The following CIMAP2 variants were observed in gnomAD, a reference collection of about 807,000 sequenced individuals.
CIMAP2 encodes ciliary microtubule associated protein 2.
At chr1:54,811,773 G>GCTCCCCCCCCCCCCCCCC in the CIMAP2 span, 1 of 1,325,052 alleles carries the variant, frequency 7.5e-7, no homozygotes, top group Non-Finnish European at 1.0e-6. Context: ...CAGCCTCCAT[G>GCTCCCCCCCCCCCCCCCC]CCCCCACCCC....
the CIMAP2 span, chr1:54,808,089 T>C: frequency 2.1e-6 from 3 of 1,426,034 alleles, no homozygotes; most frequent in Non-Finnish European, 2.8e-6. Context: ...TTCACTTACA[T>C]ATCCATCCAG....
At chr1:54,811,767 C>CGGGGGGGGCGGG in the CIMAP2 span, 1 of 1,088,168 alleles carries the variant, frequency 9.2e-7, no homozygotes, top group Non-Finnish European at 1.4e-6. Context: ...TTCTGACAGC[C>CGGGGGGGGCGGG]TCCATGCCCC....
chr1:54,825,017 A>G, the CIMAP2 span, among the ~76,000 whole-genome samples: 2 of 77,126 alleles, frequency 2.6e-5, no homozygotes, highest in African/African-American at 5.5e-5. Flanking sequence ...TTCCAATTTT[A>G]TGATTGTCTT....
the CIMAP2 span, among the ~76,000 whole-genome samples, chr1:54,817,987 G>A: frequency 6.6e-6 from 1 of 152,162 alleles, no homozygotes; most frequent in Non-Finnish European, 1.5e-5. Context: ...CAATAGTTTG[G>A]TTGGAAATAA....
the CIMAP2 span, among the ~76,000 whole-genome samples, chr1:54,830,661 G>A: frequency 6.6e-6 from 1 of 152,180 alleles, no homozygotes; most frequent in Non-Finnish European, 1.5e-5. This position sits in a 1 kb window ranked among gnomAD's most constrained non-coding sequence, Gnocchi z 4.1. Flanking sequence ...GCAGACAGTG[G>A]GGGAGAGAAA....
chr1:54,821,050 T>A, the CIMAP2 span, among the ~76,000 whole-genome samples: 2 of 152,216 alleles, frequency 1.3e-5, no homozygotes, highest in African/African-American at 4.8e-5. Context: ...ATTATAGGCA[T>A]GAGCCACAGC....
the CIMAP2 span, chr1:54,812,096 A>G: frequency 1.9e-4 from 312 of 1,614,142 alleles, no homozygotes; most frequent in Non-Finnish European, 2.6e-4. Flanking sequence ...ACCTTGAGAC[A>G]TATGTGGCAC....
the CIMAP2 span, among the ~76,000 whole-genome samples, chr1:54,839,941 G>A: frequency 6.6e-6 from 1 of 151,994 alleles, no homozygotes; most frequent in South Asian, 2.1e-4. Flanking sequence ...GTAGAGACAT[G>A]CTTTTGCTAT....
At chr1:54,807,207 A>T in the CIMAP2 span, 1 of 1,095,632 alleles carries the variant, frequency 9.1e-7, no homozygotes, top group Non-Finnish European at 1.4e-6. Flanking sequence ...TCCAGCACAG[A>T]GCTGGACCCA....
chr1:54,820,800 G>T, the CIMAP2 span, among the ~76,000 whole-genome samples: 1 of 151,876 alleles, frequency 6.6e-6, no homozygotes, highest in Non-Finnish European at 1.5e-5. Flanking sequence ...ATGGAGTTTC[G>T]CTCTGTCACC....
the CIMAP2 span, among the ~76,000 whole-genome samples, chr1:54,811,148 C>A: frequency 6.6e-6 from 1 of 152,358 alleles, no homozygotes; most frequent in African/African-American, 2.4e-5. Context: ...ACACAGAAGG[C>A]CTGAGGTCAC....
chr1:54,840,722 C>T, the CIMAP2 span, among the ~76,000 whole-genome samples: 1 of 152,178 alleles, frequency 6.6e-6, no homozygotes, highest in Admixed American at 6.5e-5. Flanking sequence ...TTGCATTTCT[C>T]CAGTGACAAG....
the CIMAP2 span, among the ~76,000 whole-genome samples, chr1:54,835,348 C>T: frequency 2.0e-5 from 3 of 152,068 alleles, no homozygotes; most frequent in African/African-American, 2.4e-5. Flanking sequence ...TGTGCCACCA[C>T]GCCTAGCTAA....
chr1:54,826,224 C>T, the CIMAP2 span, among the ~76,000 whole-genome samples: 1 of 152,142 alleles, frequency 6.6e-6, no homozygotes, highest in South Asian at 2.1e-4. Flanking sequence ...GGTAGTGTTG[C>T]TGTTAGTGGC....
chr1:54,811,268 GT>G, the CIMAP2 span, among the ~76,000 whole-genome samples: 1 of 152,190 alleles, frequency 6.6e-6, no homozygotes, highest in Non-Finnish European at 1.5e-5. Context: ...CAGGGCTGTG[GT>G]GCAGGGGTGT....
the CIMAP2 span, among the ~76,000 whole-genome samples, chr1:54,834,629 GGA>G: frequency 6.6e-6 from 1 of 151,830 alleles, no homozygotes; most frequent in African/African-American, 2.4e-5. Flanking sequence ...TGGAATATGT[GGA>G]TATATATAAT....
chr1:54,817,748 T>C, the CIMAP2 span, among the ~76,000 whole-genome samples: 1 of 151,224 alleles, frequency 6.6e-6, no homozygotes, highest in Non-Finnish European at 1.5e-5. Context: ...GAAATTATGG[T>C]GAGGACATGA....
chr1:54,828,203 T>A, the CIMAP2 span, among the ~76,000 whole-genome samples: 1 of 151,954 alleles, frequency 6.6e-6, no homozygotes, highest in Non-Finnish European at 1.5e-5. Context: ...TCCAAGAGAG[T>A]TAATTTTAAA....
chr1:54,828,331 T>C, the CIMAP2 span, among the ~76,000 whole-genome samples: 1 of 152,194 alleles, frequency 6.6e-6, no homozygotes, highest in African/African-American at 2.4e-5. Context: ...TTCCATTTTT[T>C]TTTTTAGACA....
Sources: gnomAD v4.1 joint callset for allele counts (sites outside exome capture counted in the v4.1 genomes callset) on GRCh38, gnomAD v4.1.1 for gene constraint, Gnocchi (gnomAD v3.1) non-coding constraint, MANE v1.5 for transcripts, NCBI Gene and HGNC (gene_info 2026-07-23, HGNC 2026-07-21) for gene names.